PGR: variants seen among roughly 807,000 people sequenced by gnomAD.
The protein encoded by PGR is nuclear receptor subfamily 3 group C member 3.
A neutral mutation model predicts 76.1 loss-of-function variants in PGR; 25 were observed. That is an observed-to-expected ratio of 0.33 (90% CI 0.24 to 0.46). The LOEUF is 0.46. Ranked by LOEUF, PGR falls within the 20% of genes least tolerant of loss-of-function variation. The probability of loss-of-function intolerance (pLI) is 1.00; values close to 1 mark genes in which losing one functional copy is unlikely to be tolerated. For missense variants in PGR, 1,172 were observed against 1,225.3 expected, an observed-to-expected ratio of 0.96 and a Z score of 0.65; for synonymous variants, 579 against 535.0, an observed-to-expected ratio of 1.08 and a Z score of -1.14.
chr11:101,091,827 T>G lies in PGR; in HGVS notation c.1839A>C (p.Lys613Asn), dbSNP rs1168273340. The change falls in exon 3 of 8, where the codon AAA becomes AAC. Residue 613 changes from lysine to asparagine, a missense_variant. Coordinates refer to ENST00000325455, the MANE Select transcript of PGR (RefSeq NM_000926.4). Reference sequence around the variant, plus strand: ...ATGCTGGGCAGTTTTTTCTGCGGATTTTATCAACGATGCAGTCATTTCTTC... The same window carrying G: ...ATGCTGGGCAGTTTTTTCTGCGGATGTTATCAACGATGCAGTCATTTCTTC... Reference protein sequence around the residue: ...CAGRNDCIVDKIRRKNCPACR... With the variant: ...CAGRNDCIVDNIRRKNCPACR... 3.7e-6 allele frequency: 6 copies of G among 1,612,542 alleles called. No individual in the cohort carries two copies. Among genetic ancestry groups the G allele is most frequent in the Non-Finnish European group, 5.1e-6 (6 of 1,178,616 alleles).
At chr11:101,068,314 G>C (rs1860797430) in intron 3 of PGR, among the ~76,000 whole-genome samples, 1 of 152,066 alleles carries the variant, frequency 6.6e-6, no homozygotes, top group South Asian at 2.1e-4. Flanking sequence ...CAACTTACAA[G>C]GGATGTGAAG....
intron 5 of PGR, among the ~76,000 whole-genome samples, 197 bp from the exon 6 acceptor site, chr11:101,050,256 T>C (rs1447290900): frequency 6.6e-6 from 1 of 152,146 alleles, no homozygotes; most frequent in Non-Finnish European, 1.5e-5. Context: ...ACTGAATTTT[T>C]GAGGTTAAGA....
intron 2 of PGR, among the ~76,000 whole-genome samples, chr11:101,095,640 A>G (rs1163093073): frequency 1.3e-5 from 2 of 152,214 alleles, no homozygotes; most frequent in Admixed American, 1.3e-4. Context: ...GTGAATGTCA[A>G]TCTCATCACT....
At chr11:101,108,501 AT>A (rs1237830853) in intron 2 of PGR, among the ~76,000 whole-genome samples, 2 of 152,194 alleles carry the variant, frequency 1.3e-5, no homozygotes, top group African/African-American at 2.4e-5. Context: ...AAAGTAAAAA[AT>A]ATTTTTAAAC....
intron 3 of PGR, chr11:101,064,021 T>C (rs1860608505): frequency 1.3e-5 from 2 of 152,064 alleles, no homozygotes; most frequent in Admixed American, 1.3e-4. Flanking sequence ...AAAAGGATTA[T>C]ACTTGTTCTA....
chr11:101,106,056 C>T (rs1180924277), intron 2 of PGR, among the ~76,000 whole-genome samples: 1 of 152,148 alleles, frequency 6.6e-6, no homozygotes, highest in African/African-American at 2.4e-5. Context: ...CCCTTCCTAA[C>T]ACCTTATACA....
chr11:101,060,813 C>A (rs996191807), intron 4 of PGR, among the ~76,000 whole-genome samples: 14 of 152,280 alleles, frequency 9.2e-5, no homozygotes, highest in African/African-American at 3.1e-4. Flanking sequence ...CATTTTGCAG[C>A]ATTAAAAAAG....
At chr11:101,076,153 T>A (rs1861121897) in intron 3 of PGR, among the ~76,000 whole-genome samples, 1 of 152,054 alleles carries the variant, frequency 6.6e-6, no homozygotes, top group African/African-American at 2.4e-5. Context: ...AAGGGATGAG[T>A]TCATGTCCTT....
intron 2 of PGR, among the ~76,000 whole-genome samples, chr11:101,108,090 C>T (rs1174843645): frequency 6.6e-6 from 1 of 151,318 alleles, no homozygotes; most frequent in Non-Finnish European, 1.5e-5. Context: ...CCTGTCTCTA[C>T]TAAAAATAAA....
At position 101,052,269 on chromosome 11, in the gene PGR, CTG is replaced by C. The variant is rs55925008; in HGVS notation, c.2213-703_2213-702del. ...CCGTGTGGCTTAAGAGATTTAGAAT[CTG>C]TGTGTGTGTGTGTGTGTGTGTGTGT... On this transcript the variant is annotated intron_variant, in intron 4 of 7. Transcript: ENST00000325455. 7.9e-3 allele frequency among the ~76,000 whole-genome samples: 1,124 copies of C among 141,848 alleles called. 11 individuals carry two copies. The highest frequency in any genetic ancestry group is 0.02 in the African/African-American group (729 of 37,112). The allele number at this position is 141,848 out of a possible 152,430, so 93.1% of individuals were successfully genotyped here. A position where few individuals can be genotyped will look rare whatever the true frequency, so the allele number is the denominator to read the frequency against.
intron 2 of PGR, among the ~76,000 whole-genome samples, chr11:101,119,964 C>T (rs912338601): frequency 6.6e-6 from 1 of 152,180 alleles, no homozygotes; most frequent in Non-Finnish European, 1.5e-5. Context: ...CCTCAAAGGA[C>T]TCTTACAAGG....
rs1477197450 is a variant in PGR at position 101,129,081 on chromosome 11, C to T, written c.-11G>A. 1 of 1,504,454 alleles carries T rather than the reference C, an allele frequency of 6.6e-7. No individual in the cohort carries two copies. The highest frequency in any genetic ancestry group is 8.9e-7 in the Non-Finnish European group (1 of 1,126,170). 93.2% of individuals were successfully genotyped at this position (1,504,454 alleles called of 1,614,324 possible). On this transcript the variant is annotated 5_prime_UTR_variant, in exon 1 of 8. Transcript: ENST00000325455. ...CTTCAGCTCAGTCATGACGACTGGA[C>T]TCCCCTTTTCTCCTCCCCCGTCTCC... is the stretch of plus-strand genomic sequence containing the variant.
intron 2 of PGR, among the ~76,000 whole-genome samples, chr11:101,124,457 T>C (rs1365001411): frequency 1.3e-5 from 2 of 152,202 alleles, no homozygotes; most frequent in African/African-American, 4.8e-5. Flanking sequence ...AATCAGCTAC[T>C]AACTAGTTTT....
intron 3 of PGR, among the ~76,000 whole-genome samples, chr11:101,080,015 T>C (rs1328001423): frequency 1.3e-5 from 2 of 152,190 alleles, no homozygotes; most frequent in Non-Finnish European, 2.9e-5. Context: ...TGTACAACTC[T>C]GGGTGCTTGG....
chr11:101,086,580 G>C (rs779217294), intron 3 of PGR, among the ~76,000 whole-genome samples: 14 of 152,150 alleles, frequency 9.2e-5, no homozygotes, highest in Non-Finnish European at 1.8e-4. Flanking sequence ...GGAAGTGCTA[G>C]CCAGAGCAGT....
intron 4 of PGR, among the ~76,000 whole-genome samples, chr11:101,058,359 A>G (rs1860366942): frequency 6.6e-6 from 1 of 152,018 alleles, no homozygotes; most frequent in African/African-American, 2.4e-5. Context: ...TTTTTTCTGG[A>G]GAGCAATAAT....
At chr11:101,050,677 G>T (rs1281379216) in intron 5 of PGR, among the ~76,000 whole-genome samples, 1 of 152,092 alleles carries the variant, frequency 6.6e-6, no homozygotes, top group Non-Finnish European at 1.5e-5. Flanking sequence ...TTAGTCAAAT[G>T]AAGCTAACAA....
chr11:101,125,957 C>A (rs1182686032), intron 2 of PGR, 50 bp downstream of exon 2: 4 of 1,488,330 alleles, frequency 2.7e-6, no homozygotes, highest in South Asian at 1.1e-5. Flanking sequence ...ATTAGATGGT[C>A]TCCATTTACA....
chr11:101,068,665 C>T (rs193280099), intron 3 of PGR, among the ~76,000 whole-genome samples: 1 of 151,998 alleles, frequency 6.6e-6, no homozygotes, highest in African/African-American at 2.4e-5. Flanking sequence ...GGTACCCAAA[C>T]AGATATATAG....
Sources: gnomAD v4.1 joint callset for allele counts (sites outside exome capture counted in the v4.1 genomes callset) on GRCh38, gnomAD v4.1.1 for gene constraint, MANE v1.5 for transcripts, NCBI Gene and HGNC (gene_info 2026-07-23, HGNC 2026-07-21) for gene names.